ERICH3: variants seen among roughly 807,000 people sequenced by gnomAD.
ERICH3 encodes glutamate-rich protein 3.
In ERICH3, 126 loss-of-function variants were observed where a neutral mutation model predicts 131.1. The ratio of observed to expected loss-of-function variants is 0.96; its 90% CI spans 0.83 to 1.11. The LOEUF (loss-of-function observed/expected upper bound fraction) is 1.11, where lower values mean the gene tolerates loss of function less well. Ranked by LOEUF, ERICH3 falls within the 50% of genes most tolerant of loss-of-function variation. The pLI, the probability that ERICH3 is intolerant of heterozygous loss-of-function variation, is 0.00. For missense variants in ERICH3, 2,050 were observed against 1,810.7 expected, an observed-to-expected ratio of 1.13 and a Z score of -2.40; for synonymous variants, 695 against 644.6, an observed-to-expected ratio of 1.08 and a Z score of -1.18.
intron 9 of ERICH3, among the ~76,000 whole-genome samples, chr1:74,611,451 C>T (rs759793420): frequency 1.3e-4 from 20 of 152,274 alleles, no homozygotes; most frequent in African/African-American, 4.6e-4. Context: ...ATTTTCCCCA[C>T]ACACCCTTGT....
chr1:74,625,603 G>C (rs1557689499), intron 7 of ERICH3: 1 of 151,424 alleles, frequency 6.6e-6, no homozygotes, highest in African/African-American at 2.4e-5. Context: ...ATGGTTAATT[G>C]TATATATATA....
At chr1:74,582,650 A>G (rs867017220) in intron 12 of ERICH3, among the ~76,000 whole-genome samples, 17 of 152,184 alleles carry the variant, frequency 1.1e-4, no homozygotes, top group African/African-American at 4.1e-4. Context: ...ATCAAATAAC[A>G]TATGAAAATT....
At chr1:74,629,484 T>C (rs1040096069) in intron 7 of ERICH3, among the ~76,000 whole-genome samples, 3 of 152,130 alleles carry the variant, frequency 2.0e-5, no homozygotes, top group Non-Finnish European at 4.4e-5. Flanking sequence ...ATGCTGTGCT[T>C]CTAACCTGAA....
chr1:74,656,026 G>C (rs1646580512), intron 1 of ERICH3, among the ~76,000 whole-genome samples: 1 of 152,090 alleles, frequency 6.6e-6, no homozygotes, highest in African/African-American at 2.4e-5. Context: ...AAATCAGAAT[G>C]CCTTCACTGC....
chr1:74,599,190 T>A (rs1647999101), intron 11 of ERICH3, among the ~76,000 whole-genome samples: 1 of 152,010 alleles, frequency 6.6e-6, no homozygotes, highest in African/African-American at 2.4e-5. Flanking sequence ...ACATTTTCAA[T>A]GTAATTGGAA....
At chr1:74,638,246 A>G (rs548775997) in intron 5 of ERICH3, among the ~76,000 whole-genome samples, 1 of 152,314 alleles carries the variant, frequency 6.6e-6, no homozygotes, top group African/African-American at 2.4e-5. Flanking sequence ...TTGTTAAGTC[A>G]ACATTTATTG....
At position 74,657,151 on chromosome 1, in the gene ERICH3, T is replaced by A. The variant is rs184965977; in HGVS notation, c.24-7836A>T. Among the ~76,000 whole-genome samples, 599 of 152,346 alleles carry A rather than the reference T, an allele frequency of 3.9e-3. 2 individuals are homozygous for A. Among genetic ancestry groups the A allele is most frequent in the African/African-American group, 0.014 (577 of 41,584 alleles). ...AGTAGTCTATGGCAGAAGCATATTTTATGTATTTTGGCTTTTTTAAATGCA... is the reference window on the plus strand; with the variant it reads ...AGTAGTCTATGGCAGAAGCATATTTAATGTATTTTGGCTTTTTTAAATGCA... On this transcript the variant is annotated intron_variant, in intron 1 of 14. Coordinates refer to ENST00000326665, the MANE Select transcript of ERICH3 (RefSeq NM_001002912.5).
chr1:74,583,814 C>T (rs1169503886), intron 12 of ERICH3, among the ~76,000 whole-genome samples: 1 of 152,174 alleles, frequency 6.6e-6, no homozygotes, highest in East Asian at 1.9e-4. Flanking sequence ...TACGTTACAT[C>T]TTTTACATTT....
Position 74,572,366 on chromosome 1 carries a change from G to T in ERICH3, c.3344C>A (p.Thr1115Lys), listed in dbSNP as rs140321323. ...TCCCATTTCATTTGGGGGAGCTTTT[G>T]TCTCTTCCTCAGCTCTTACTTCTGT... Reference protein sequence around the residue: ...TETEVRAEEETKAPPNEMGSD... With the variant: ...TETEVRAEEEKKAPPNEMGSD... The change falls in exon 14 of 15, where the codon ACA becomes AAA. Residue 1115 changes from threonine to lysine, a missense_variant. By Grantham distance (78) the Thr-to-Lys change is moderately conservative. Transcript: ENST00000326665. 4.4e-5 allele frequency: 71 copies of T among 1,613,728 alleles called. No individual in the cohort carries two copies. Among genetic ancestry groups the T allele is most frequent in the East Asian group, 2.2e-5 (1 of 44,874 alleles).
intron 9 of ERICH3, among the ~76,000 whole-genome samples, chr1:74,611,176 T>C (rs76321649): frequency 1.3e-5 from 2 of 152,254 alleles, no homozygotes; most frequent in East Asian, 3.9e-4. Context: ...TTCTACTTGC[T>C]TATCTCATAC....
chr1:74,642,957 T>A (rs1225448228), intron 4 of ERICH3, 70 bp downstream of exon 4: 2 of 1,185,170 alleles, frequency 1.7e-6, no homozygotes, highest in Admixed American at 3.9e-5. Flanking sequence ...ACTGGAATCA[T>A]AGTTTCACTG....
At chr1:74,587,415 A>T (rs2100557317) in intron 12 of ERICH3, among the ~76,000 whole-genome samples, 1 of 152,132 alleles carries the variant, frequency 6.6e-6, no homozygotes, top group East Asian at 1.9e-4. Flanking sequence ...ATAAAAAGAT[A>T]ACAAAATGTT....
rs931343142 is a variant in ERICH3 at position 74,589,344 on chromosome 1, C to T, written c.2176+287G>A. 1.5e-5 allele frequency: 8 copies of T among 530,922 alleles called. No individual in the cohort carries two copies. In the East Asian group the frequency reaches 2.3e-4, roughly 15 times the overall value. The allele number at this position is 530,922 out of a possible 1,614,324, so 32.9% of individuals were successfully genotyped here. On this transcript the variant is annotated intron_variant, in intron 12 of 14. Transcript: ENST00000326665. Reference sequence around the variant, plus strand: ...ACACATCCTTGCCTTCAGACACATACTGTGCTTTATTTCATTCCTGAGATG... The same window carrying T: ...ACACATCCTTGCCTTCAGACACATATTGTGCTTTATTTCATTCCTGAGATG...
chr1:74,573,623 A>C, intron 13 of ERICH3, 132 bp from the exon 14 acceptor site: 3 of 1,079,228 alleles, frequency 2.8e-6, no homozygotes, highest in Non-Finnish European at 3.6e-6. Flanking sequence ...ATTGTATTAT[A>C]TATAAAACAC....
chr1:74,669,211 C>T (rs1646719160), intron 1 of ERICH3, among the ~76,000 whole-genome samples: 1 of 152,152 alleles, frequency 6.6e-6, no homozygotes. Flanking sequence ...ATTACAGAAA[C>T]ACTTCTTTAC....
chr1:74,672,972 A>T (rs558321071), intron 1 of ERICH3, among the ~76,000 whole-genome samples: 89 of 152,066 alleles, frequency 5.9e-4, no homozygotes, highest in Non-Finnish European at 1.1e-3. Context: ...CTTTTTAAAG[A>T]CCCTTATGGT....
intron 1 of ERICH3, among the ~76,000 whole-genome samples, chr1:74,666,939 C>T (rs1235611674): frequency 6.6e-6 from 1 of 152,102 alleles, no homozygotes; most frequent in African/African-American, 2.4e-5. Flanking sequence ...AATGCAGTGC[C>T]TACAGATTCA....
Position 74,589,829 on chromosome 1 carries a change from G to T in ERICH3, c.1978C>A (p.Pro660Thr). 1 of 1,613,928 alleles carries T rather than the reference G, an allele frequency of 6.2e-7. No individual in the cohort carries two copies. The highest frequency in any genetic ancestry group is 8.5e-7 in the Non-Finnish European group (1 of 1,179,958). Residue 660 changes from proline to threonine, a missense_variant, in exon 12 of 15, where the codon CCA becomes ACA. Coordinates refer to ENST00000326665, the MANE Select transcript of ERICH3 (RefSeq NM_001002912.5). ...TKADVETKPM[P>T]IDESFENVLK... Reference sequence around the variant, plus strand: ...ACATTCTCAAAGCTTTCGTCTATTGGCATCGGCTTGGTCTCCACATCTGCT... The same window carrying T: ...ACATTCTCAAAGCTTTCGTCTATTGTCATCGGCTTGGTCTCCACATCTGCT...
At chr1:74,606,458 C>T in intron 10 of ERICH3, 143 bp downstream of exon 10, 2 of 797,516 alleles carry the variant, frequency 2.5e-6, no homozygotes, top group Non-Finnish European at 3.9e-6. Context: ...TACAAAACAG[C>T]AAAGGAAGGA....
Sources: gnomAD v4.1 joint callset for allele counts (sites outside exome capture counted in the v4.1 genomes callset) on GRCh38, gnomAD v4.1.1 for gene constraint, MANE v1.5 for transcripts, NCBI Gene and HGNC (gene_info 2026-07-23, HGNC 2026-07-21) for gene names.